QTMAN: variants seen among roughly 807,000 people sequenced by gnomAD.
The protein encoded by QTMAN is queuosine-tRNA mannosyltransferase.
the QTMAN span, among the ~76,000 whole-genome samples, chr2:144,295,890 G>A: frequency 1.3e-5 from 2 of 152,066 alleles, no homozygotes; most frequent in African/African-American, 2.4e-5. Flanking sequence ...ATGAACCACT[G>A]AGCCTGGCCC....
chr2:144,004,373 A>G, the QTMAN span, among the ~76,000 whole-genome samples: 1 of 152,044 alleles, frequency 6.6e-6, no homozygotes. Flanking sequence ...GGGTCTAAAT[A>G]AATGTGTGCT....
At chr2:144,277,103 T>C in the QTMAN span, among the ~76,000 whole-genome samples, 2 of 152,194 alleles carry the variant, frequency 1.3e-5, no homozygotes, top group Non-Finnish European at 2.9e-5. Context: ...TAGCCACATG[T>C]AGCTTGAGTA....
At chr2:144,173,796 T>C in the QTMAN span, among the ~76,000 whole-genome samples, 2 of 152,184 alleles carry the variant, frequency 1.3e-5, no homozygotes, top group Admixed American at 1.3e-4. Context: ...AAATCCTTCA[T>C]GAATGGCACC....
chr2:143,996,552 T>C, the QTMAN span, among the ~76,000 whole-genome samples: 1 of 152,070 alleles, frequency 6.6e-6, no homozygotes, highest in Non-Finnish European at 1.5e-5. Flanking sequence ...AAATCAAGAA[T>C]TGACTATGGT....
the QTMAN span, chr2:144,178,796 C>G: frequency 2.9e-6 from 1 of 350,388 alleles, no homozygotes; most frequent in Admixed American, 4.2e-5. Context: ...GGGTTGGATA[C>G]TAGAAATAAT....
At chr2:144,117,110 A>G in the QTMAN span, among the ~76,000 whole-genome samples, 3 of 152,196 alleles carry the variant, frequency 2.0e-5, no homozygotes, top group Non-Finnish European at 4.4e-5. Flanking sequence ...ACAGTCAGTA[A>G]TAAATGCCCA....
chr2:144,117,224 A>G, the QTMAN span, among the ~76,000 whole-genome samples: 1 of 152,176 alleles, frequency 6.6e-6, no homozygotes, highest in Non-Finnish European at 1.5e-5. Context: ...CTGACAGTAG[A>G]TTAGCATTTT....
At chr2:144,229,680 T>G in the QTMAN span, among the ~76,000 whole-genome samples, 1 of 152,184 alleles carries the variant, frequency 6.6e-6, no homozygotes, top group Non-Finnish European at 1.5e-5. Context: ...CATATTAAGT[T>G]AGGCGTGGGG....
At chr2:144,177,468 T>C in the QTMAN span, among the ~76,000 whole-genome samples, 1 of 152,214 alleles carries the variant, frequency 6.6e-6, no homozygotes, top group Middle Eastern at 3.4e-3. Context: ...AACATGCCTA[T>C]ACGACAGCAA....
the QTMAN span, among the ~76,000 whole-genome samples, chr2:144,275,037 G>A: frequency 6.6e-6 from 1 of 151,996 alleles, no homozygotes; most frequent in Non-Finnish European, 1.5e-5. Flanking sequence ...AGTGTTGAGT[G>A]CTATATGAGA....
chr2:144,332,838 TC>T, the QTMAN span, among the ~76,000 whole-genome samples: 6 of 152,178 alleles, frequency 3.9e-5, no homozygotes, highest in Non-Finnish European at 7.4e-5. Context: ...TCGTACTCTT[TC>T]CCCAACCTCC....
chr2:144,183,509 T>C, the QTMAN span, among the ~76,000 whole-genome samples: 13 of 152,214 alleles, frequency 8.5e-5, no homozygotes, highest in Non-Finnish European at 1.6e-4. Flanking sequence ...CAAGGGGACA[T>C]GTAATCAATG....
chr2:143,967,994 G>A, the QTMAN span, among the ~76,000 whole-genome samples: 2 of 152,148 alleles, frequency 1.3e-5, no homozygotes, highest in Non-Finnish European at 1.5e-5. Flanking sequence ...TAAACTAGAG[G>A]GGTGACAATA....
the QTMAN span, among the ~76,000 whole-genome samples, chr2:144,307,291 T>C: frequency 1.4e-5 from 2 of 145,246 alleles, no homozygotes; most frequent in African/African-American, 2.6e-5. Flanking sequence ...GCTTTCAGTA[T>C]ACTTAAAATA....
the QTMAN span, among the ~76,000 whole-genome samples, chr2:143,992,126 A>G: frequency 6.6e-6 from 1 of 151,900 alleles, no homozygotes; most frequent in Non-Finnish European, 1.5e-5. Flanking sequence ...GAGAAATCGG[A>G]TGGTTGCCGT....
At chr2:144,035,583 T>C in the QTMAN span, among the ~76,000 whole-genome samples, 1 of 152,046 alleles carries the variant, frequency 6.6e-6, no homozygotes, top group African/African-American at 2.4e-5. Flanking sequence ...ACAGAATCTG[T>C]ATGTCAAATG....
chr2:144,102,555 C>G, the QTMAN span, among the ~76,000 whole-genome samples: 2 of 152,180 alleles, frequency 1.3e-5, no homozygotes, highest in Non-Finnish European at 2.9e-5. Flanking sequence ...CCTAGCAGCT[C>G]TGTTACAAAG....
the QTMAN span, among the ~76,000 whole-genome samples, chr2:143,971,904 T>C: frequency 6.6e-6 from 1 of 152,162 alleles, no homozygotes; most frequent in Non-Finnish European, 1.5e-5. Flanking sequence ...ATTCAGTCAA[T>C]ATTTTCAGTA....
the QTMAN span, among the ~76,000 whole-genome samples, chr2:144,171,724 C>T: frequency 2.6e-5 from 4 of 151,962 alleles, no homozygotes; most frequent in South Asian, 2.1e-4. Context: ...AGAGCAATAA[C>T]GGAATTCACC....
Sources: gnomAD v4.1 joint callset for allele counts (sites outside exome capture counted in the v4.1 genomes callset) on GRCh38, gnomAD v4.1.1 for gene constraint, MANE v1.5 for transcripts, NCBI Gene and HGNC (gene_info 2026-07-23, HGNC 2026-07-21) for gene names.